The following PLCE1 variants were observed in gnomAD, a reference collection of about 807,000 sequenced individuals.
PLCE1 encodes 1-phosphatidylinositol 4,5-bisphosphate phosphodiesterase epsilon-1.
A neutral mutation model predicts 242.8 loss-of-function variants in PLCE1; 119 were observed. The observed-to-expected ratio is 0.49, with a 90% CI of 0.42 to 0.57. PLCE1 has a LOEUF of 0.57. Ranked by LOEUF, PLCE1 falls within the 20% of genes least tolerant of loss-of-function variation. PLCE1 has a pLI of 0.00. For synonymous variants in PLCE1, 945 were observed against 1,017.4 expected, an observed-to-expected ratio of 0.93 and a Z score of 1.35; for missense variants, 2,441 against 2,788.8, an observed-to-expected ratio of 0.88 and a Z score of 2.81.
At chr10:94,229,919 C>T (rs768789464) in intron 5 of PLCE1, among the ~76,000 whole-genome samples, 7 of 152,176 alleles carry the variant, frequency 4.6e-5, no homozygotes, top group Admixed American at 1.3e-4. Context: ...ATTCTGTACA[C>T]AGGAGATAAG....
At chr10:94,239,001 A>G (rs2050412674) in intron 7 of PLCE1, among the ~76,000 whole-genome samples, 1 of 152,228 alleles carries the variant, frequency 6.6e-6, no homozygotes, top group Non-Finnish European at 1.5e-5. Flanking sequence ...CTAGGTAGGT[A>G]GCTGAATCTT....
rs1171280627 is a variant in PLCE1 at position 94,329,510 on chromosome 10, A to C, written c.*1567A>C. On this transcript the variant is annotated 3_prime_UTR_variant, in exon 33 of 33. Transcript: ENST00000371380. ...TAAAAATACACCACACAGGCTGGGCAGAGTGGCTCACGCCTGTAACTCCAG... is the reference window on the plus strand; with the variant it reads ...TAAAAATACACCACACAGGCTGGGCCGAGTGGCTCACGCCTGTAACTCCAG... The C allele has an allele frequency of 6.6e-6, 1 of 152,206 alleles. No individual in the cohort carries two copies. The highest frequency in any genetic ancestry group is 2.4e-5 in the African/African-American group (1 of 41,464). 9.4% of individuals were successfully genotyped at this position (152,206 alleles called of 1,614,324 possible).
chr10:94,037,024 A>G (rs2061677931), intron 2 of PLCE1, among the ~76,000 whole-genome samples: 1 of 152,248 alleles, frequency 6.6e-6, no homozygotes, highest in Non-Finnish European at 1.5e-5. Context: ...GATTGAATAA[A>G]AAAATTTTAC....
intron 2 of PLCE1, among the ~76,000 whole-genome samples, chr10:94,058,674 G>C (rs1046438369): frequency 6.6e-6 from 1 of 152,078 alleles, no homozygotes; most frequent in African/African-American, 2.4e-5. Context: ...CTGGGTTCTG[G>C]TGTCCTAGAG....
chr10:94,262,270 G>A (rs2051329040), intron 13 of PLCE1, among the ~76,000 whole-genome samples: 10 of 152,150 alleles, frequency 6.6e-5, no homozygotes. Flanking sequence ...CAAAGTGCTA[G>A]GATTACAGTC....
At chr10:94,003,820 G>C (rs1333272270) in intron 1 of PLCE1, among the ~76,000 whole-genome samples, 1 of 152,082 alleles carries the variant, frequency 6.6e-6, no homozygotes, top group African/African-American at 2.4e-5. Context: ...CTCTAAAATG[G>C]CCTTCCTGTG....
At chr10:94,241,615 C>T (rs1207839303) in intron 7 of PLCE1, among the ~76,000 whole-genome samples, 8 of 152,012 alleles carry the variant, frequency 5.3e-5, no homozygotes, top group African/African-American at 1.9e-4. Flanking sequence ...GATGGTGAAA[C>T]CCTGTCTCTA....
At chr10:94,316,401 T>C (rs373054612) in intron 28 of PLCE1, 146 bp from the exon 29 acceptor site, 9 of 640,272 alleles carry the variant, frequency 1.4e-5, no homozygotes, top group East Asian at 5.7e-5. Flanking sequence ...CATAAGAGAA[T>C]TCTTAGATCT....
intron 2 of PLCE1, chr10:94,107,879 G>C (rs908476329): frequency 2.6e-5 from 4 of 151,714 alleles, no homozygotes; most frequent in African/African-American, 9.7e-5. Context: ...TCCTTTGTGA[G>C]GGACAAAAAA....
At chr10:94,144,793 A>G (rs112330611) in intron 3 of PLCE1, among the ~76,000 whole-genome samples, 217 of 152,338 alleles carry the variant, frequency 1.4e-3, no homozygotes, top group African/African-American at 5.0e-3. Flanking sequence ...TCTTATGCCA[A>G]TAAAGTCTGG....
rs190657104 is a variant in PLCE1, at chr10:94,256,259, G to A, written c.3554+1210G>A. Among the ~76,000 whole-genome samples, 9 of 149,556 alleles carry A rather than the reference G, an allele frequency of 6.0e-5. No homozygotes were observed. The South Asian group carries it at 1.1e-3, about 18-fold the overall frequency. Reference sequence around the variant, plus strand: ...GTATCACTTGAGCCTGGGAGGTTCCGGCTGCAGTGAGCCATAATCATGCCA... The same window carrying A: ...GTATCACTTGAGCCTGGGAGGTTCCAGCTGCAGTGAGCCATAATCATGCCA... On this transcript the variant is annotated intron_variant, in intron 11 of 32. Transcript: ENST00000371380.
In PLCE1 at chr10:94,258,841, G is replaced by A. The variant is rs370773518; in HGVS notation, c.3596G>A (p.Gly1199Asp). ...AGCTGGCACGGGCGGATCAAAGGCG[G>A]CATGAAGGGATTTCAGAGCTTCATG... ...SSSWHGRIKG[G>D]MKGFQSFMVS... The change falls in exon 12 of 33, where the codon GGC becomes GAC. Residue 1199 changes from glycine to aspartate, a missense_variant. Coordinates refer to ENST00000371380, the MANE Select transcript of PLCE1 (RefSeq NM_016341.4). The A allele has an allele frequency of 1.9e-6, 3 of 1,613,966 alleles. No individual in the cohort carries two copies. The highest frequency in any genetic ancestry group is 1.3e-5 in the African/African-American group (1 of 74,928).
intron 4 of PLCE1, among the ~76,000 whole-genome samples, chr10:94,185,460 C>T (rs2048445274): frequency 6.6e-6 from 1 of 152,154 alleles, no homozygotes; most frequent in Non-Finnish European, 1.5e-5. Flanking sequence ...TGTGCCACTG[C>T]ACTCTAGCCT....
At chr10:94,121,543 C>T (rs967317357) in intron 2 of PLCE1, among the ~76,000 whole-genome samples, 2 of 152,112 alleles carry the variant, frequency 1.3e-5, no homozygotes, top group African/African-American at 2.4e-5. Context: ...TTTGGGTATT[C>T]AGGGCTGGTG....
At position 94,276,954 on chromosome 10, in the gene PLCE1, T is replaced by C. The variant is rs115948306; in HGVS notation, c.4666-2828T>C. ...AGTCACATCCGTAAGGCCTTTCTGT[T>C]TTCTGGTAGATCATGGGTCTAGACC... is the stretch of plus-strand genomic sequence containing the variant. On this transcript the variant is annotated intron_variant, in intron 19 of 32. Transcript: ENST00000371380. 7.8e-3 allele frequency among the ~76,000 whole-genome samples: 1,195 copies of C among 152,286 alleles called. 16 individuals are homozygous for C. The highest frequency in any genetic ancestry group is 0.028 in the African/African-American group (1,150 of 41,564).
chr10:94,254,040 T>C (rs1256322523), intron 9 of PLCE1, 150 bp from the exon 10 acceptor site: 6 of 733,538 alleles, frequency 8.2e-6, no homozygotes, highest in Non-Finnish European at 1.5e-5. Context: ...ATGAGAATAC[T>C]CGGTCAGCCT....
At position 94,003,466 on chromosome 10, in the gene PLCE1, G is replaced by A. The variant is rs75884764; in HGVS notation, c.-365+9208G>A. Among the ~76,000 whole-genome samples the A allele has an allele frequency of 4.7e-4, 72 of 152,298 alleles. 1 individual carries two copies. The East Asian group carries it at 0.013, about 28-fold the overall frequency. On this transcript the variant is annotated intron_variant, in intron 1 of 32. Transcript: ENST00000371380. ...ATTAAACCACATTTGCAATTCTGCT[G>A]TGGCAGTTCATTATCTGTTTGTTAA...
chr10:94,244,099 A>C (rs2050597870), intron 7 of PLCE1, among the ~76,000 whole-genome samples: 1 of 152,136 alleles, frequency 6.6e-6, no homozygotes, highest in Admixed American at 6.6e-5. Context: ...CTAAAATTCA[A>C]TATTTGTGGT....
intron 3 of PLCE1, among the ~76,000 whole-genome samples, chr10:94,166,396 A>G (rs2047803866): frequency 6.6e-6 from 1 of 152,182 alleles, no homozygotes; most frequent in Admixed American, 6.5e-5. Context: ...ATGAGAATGA[A>G]AGATAAAGTT....
Sources: allele counts gnomAD v4.1 joint callset (sites outside exome capture counted in the v4.1 genomes callset), GRCh38; gene constraint gnomAD v4.1.1; transcripts MANE v1.5; gene names NCBI Gene and HGNC (gene_info 2026-07-23, HGNC 2026-07-21).